CNBD1: variants seen among roughly 807,000 people sequenced by gnomAD.
CNBD1 encodes the protein cyclic nucleotide binding domain containing 1, also known as cyclic nucleotide-binding domain-containing protein 1.
CNBD1 carries 71 observed loss-of-function variants against 54.4 expected under a neutral mutation model. The observed-to-expected ratio is 1.30, with a 90% CI of 1.08 to 1.59. CNBD1 has a LOEUF of 1.59. Among genes scored for constraint, CNBD1 ranks in the 40% most tolerant of loss-of-function variants. The pLI is 0.00. For missense variants in CNBD1, 659 were observed against 518.0 expected, an observed-to-expected ratio of 1.27 and a Z score of -2.64; for synonymous variants, 182 against 170.7, an observed-to-expected ratio of 1.07 and a Z score of -0.51.
At position 87,004,382 on chromosome 8, in the gene CNBD1, G is replaced by T. The variant is rs550580846; in HGVS notation, c.431+64628G>T. Among the ~76,000 whole-genome samples the T allele has an allele frequency of 2.0e-5, 3 of 152,148 alleles. No individual in the cohort carries two copies. In the East Asian group the frequency reaches 5.8e-4, roughly 29 times the overall value. ...GTGCATTGTCTTTTCCTTTGTGTTT[G>T]CATGGATCAATTTTAAACACAATTT... is the stretch of plus-strand genomic sequence containing the variant. On this transcript the variant is annotated intron_variant, in intron 4 of 10. Coordinates refer to ENST00000518476, the MANE Select transcript of CNBD1 (RefSeq NM_173538.3).
chr8:87,144,789 C>T (rs1812447797), intron 4 of CNBD1, among the ~76,000 whole-genome samples: 1 of 146,186 alleles, frequency 6.8e-6, no homozygotes, highest in African/African-American at 2.6e-5. Context: ...CATTGCACTC[C>T]AGCCTGGGCA....
chr8:87,162,451 C>T (rs1000435757), intron 4 of CNBD1, among the ~76,000 whole-genome samples: 1 of 152,056 alleles, frequency 6.6e-6, no homozygotes, highest in East Asian at 1.9e-4. Flanking sequence ...TATTAACTAG[C>T]ATAAAGTTTA....
intron 2 of CNBD1, among the ~76,000 whole-genome samples, chr8:86,904,047 A>G (rs958770033): frequency 3.3e-5 from 5 of 152,054 alleles, no homozygotes; most frequent in East Asian, 1.9e-4. Flanking sequence ...TTTAAAGTCT[A>G]TAGAATTTGT....
intron 4 of CNBD1, among the ~76,000 whole-genome samples, chr8:87,078,121 A>T (rs2130661273): frequency 6.6e-6 from 1 of 152,288 alleles, no homozygotes; most frequent in Non-Finnish European, 1.5e-5. Context: ...AGTTCATTAG[A>T]ATTGGGCAAG....
At chr8:87,176,222 T>A (rs915660526) in intron 4 of CNBD1, among the ~76,000 whole-genome samples, 1 of 152,172 alleles carries the variant, frequency 6.6e-6, no homozygotes, top group East Asian at 1.9e-4. Context: ...TGAAGGTGCT[T>A]TTTTGTGTAG....
At chr8:86,938,654 A>G (rs73269895) in intron 3 of CNBD1, among the ~76,000 whole-genome samples, 3,739 of 152,094 alleles carry the variant, frequency 0.025, 152 homozygotes, top group African/African-American at 0.081. Flanking sequence ...TCCAGGAAAG[A>G]TCTGCCCCCA....
At chr8:87,146,405 T>C (rs1175073477) in intron 4 of CNBD1, among the ~76,000 whole-genome samples, 3 of 152,190 alleles carry the variant, frequency 2.0e-5, no homozygotes, top group African/African-American at 7.2e-5. Context: ...AGGACACCAA[T>C]GAAATGGATA....
intron 4 of CNBD1, among the ~76,000 whole-genome samples, chr8:87,180,653 G>A (rs936665899): frequency 6.6e-5 from 10 of 152,052 alleles, no homozygotes; most frequent in Non-Finnish European, 1.2e-4. Context: ...ATTTGATAAT[G>A]TAAAGATGAA....
At chr8:87,272,668 T>C (rs1178994368) in intron 6 of CNBD1, among the ~76,000 whole-genome samples, 1 of 151,984 alleles carries the variant, frequency 6.6e-6, no homozygotes, top group Non-Finnish European at 1.5e-5. Flanking sequence ...TATACATGGA[T>C]AAAGCATATA....
intron 2 of CNBD1, among the ~76,000 whole-genome samples, chr8:86,902,792 C>T (rs1808958206): frequency 6.6e-6 from 1 of 151,964 alleles, no homozygotes; most frequent in Non-Finnish European, 1.5e-5. Context: ...GTATTTAGGT[C>T]CATGATCTAC....
At position 87,105,128 on chromosome 8, in the gene CNBD1, G is replaced by GT. The variant is rs146004690; in HGVS notation, c.432-100857dup. On this transcript the variant is annotated intron_variant, in intron 4 of 10. Coordinates refer to ENST00000518476, the MANE Select transcript of CNBD1 (RefSeq NM_173538.3). ...TCAAATACTTTTGATGAGGAGATGG[G>GT]TTTTTTTTAATTTAAAGGCAAATAC... Among the ~76,000 whole-genome samples, 415 of 151,968 alleles carry GT rather than the reference G, an allele frequency of 2.7e-3. 5 individuals carry two copies. Among genetic ancestry groups the GT allele is most frequent in the Middle Eastern group, 0.014 (4 of 294 alleles).
chr8:87,392,450 G>A (rs879721819), intron 2 of CNBD1, among the ~76,000 whole-genome samples: 8 of 151,962 alleles, frequency 5.3e-5, no homozygotes, highest in Non-Finnish European at 8.8e-5. Flanking sequence ...AATGTCATAA[G>A]CATATTCTGG....
chr8:87,029,257 G>A (rs10955169), intron 4 of CNBD1, among the ~76,000 whole-genome samples: 4,553 of 152,128 alleles, frequency 0.03, 226 homozygotes, highest in African/African-American at 0.1. Flanking sequence ...ACCAATATAC[G>A]TGAAAAGTGG....
rs1267942471 is a variant in CNBD1 at position 87,325,234 on chromosome 8, A to C, written c.1043-26451A>C. Among the ~76,000 whole-genome samples the C allele has an allele frequency of 7.4e-5, 7 of 95,212 alleles. 1 individual carries two copies. In the East Asian group the frequency reaches 1.5e-3, roughly 20 times the overall value. 62.5% of individuals were successfully genotyped at this position (95,212 alleles called of 152,430 possible). ...AGCTTTACTTCCAAGTATGTGGTCA[A>C]TTTTGGAATAGGTGTGGTGTGGTGC... On this transcript the variant is annotated intron_variant, in intron 8 of 10. Coordinates refer to ENST00000518476, the MANE Select transcript of CNBD1 (RefSeq NM_173538.3).
At chr8:86,993,736 G>T (rs868842062) in intron 4 of CNBD1, among the ~76,000 whole-genome samples, 2 of 152,166 alleles carry the variant, frequency 1.3e-5, no homozygotes, top group Admixed American at 6.5e-5. Context: ...TATTTTTGGT[G>T]TTGCAGCTTG....
At chr8:87,024,508 T>A (rs1214445223) in intron 4 of CNBD1, among the ~76,000 whole-genome samples, 2 of 151,424 alleles carry the variant, frequency 1.3e-5, no homozygotes, top group Non-Finnish European at 1.5e-5. Context: ...GCCTGGCTAA[T>A]TTTTTATATT....
chr8:87,031,907 A>G (rs1179900480), intron 4 of CNBD1, among the ~76,000 whole-genome samples: 4 of 151,906 alleles, frequency 2.6e-5, no homozygotes, highest in Non-Finnish European at 5.9e-5. Context: ...CACCCAGCTA[A>G]TTTTTGTATT....
chr8:86,941,005 C>A, intron 4 of CNBD1, among the ~76,000 whole-genome samples: 1 of 152,148 alleles, frequency 6.6e-6, no homozygotes, highest in East Asian at 1.9e-4. Context: ...ATGATGTTTA[C>A]AGAATGACAA....
rs1194915123 is a variant in CNBD1 at position 87,422,126 on chromosome 8, GT to G, written c.214-6413del. ...CACCCACTTTTTGATGGGGCTGTTT[GT>G]TTTTTTCTTGTAAATTTGTTTGAGT... On this transcript the variant is annotated intron_variant, in intron 2 of 7. Coordinates refer to the CNBD1 transcript ENST00000521593. 3.6e-3 allele frequency among the ~76,000 whole-genome samples: 520 copies of G among 146,134 alleles called. 3 individuals are homozygous for G. Among genetic ancestry groups the G allele is most frequent in the African/African-American group, 0.013 (478 of 37,584 alleles).
Sources: allele counts gnomAD v4.1 joint callset (sites outside exome capture counted in the v4.1 genomes callset), GRCh38; gene constraint gnomAD v4.1.1; transcripts MANE v1.5; gene names NCBI Gene and HGNC (gene_info 2026-07-23, HGNC 2026-07-21).